Variants in APBB2 observed in about 807,000 individuals in gnomAD.
The protein encoded by APBB2 is Fe65-like 1.
APBB2 carries 38 observed loss-of-function variants against 82.5 expected under a neutral mutation model. That is an observed-to-expected ratio of 0.46 (90% confidence interval 0.36 to 0.60). The LOEUF is 0.60. APBB2 is among the 20% of genes least tolerant of loss of function. The pLI is 0.00. For synonymous variants in APBB2, 341 were observed against 368.2 expected, an observed-to-expected ratio of 0.93 and a Z score of 0.85; for missense variants, 772 against 972.3, an observed-to-expected ratio of 0.79 and a Z score of 2.74.
At chr4:41,068,833 G>T (rs1487784302) in intron 3 of APBB2, among the ~76,000 whole-genome samples, 5 of 118,192 alleles carry the variant, frequency 4.2e-5, no homozygotes, top group Non-Finnish European at 8.0e-5. Flanking sequence ...GTCTCGCTCT[G>T]TTGCCAGGCT....
chr4:41,165,780 C>G (rs1766370281), intron 1 of APBB2, among the ~76,000 whole-genome samples: 1 of 152,136 alleles, frequency 6.6e-6, no homozygotes, highest in Non-Finnish European at 1.5e-5. Context: ...AGCTTGATCG[C>G]CCAGTAGATA....
intron 12 of APBB2, among the ~76,000 whole-genome samples, chr4:40,887,113 A>T (rs1255413370): frequency 6.6e-6 from 1 of 152,206 alleles, no homozygotes; most frequent in Non-Finnish European, 1.5e-5. Flanking sequence ...TGCTGTTCAT[A>T]GTAAGAGGTC....
intron 2 of APBB2, among the ~76,000 whole-genome samples, chr4:41,114,862 A>G (rs1407980504): frequency 1.3e-5 from 2 of 152,242 alleles, no homozygotes; most frequent in African/African-American, 4.8e-5. Flanking sequence ...TCTCATGGAT[A>G]GGAAGAATCA....
chr4:40,991,306 C>T (rs1020726443), intron 6 of APBB2, among the ~76,000 whole-genome samples: 10 of 150,872 alleles, frequency 6.6e-5, no homozygotes, highest in Non-Finnish European at 1.2e-4. Flanking sequence ...TGTGAGCCAC[C>T]GTGCCTTGCT....
At chr4:41,117,383 C>G (rs1751376171) in intron 2 of APBB2, among the ~76,000 whole-genome samples, 1 of 151,408 alleles carries the variant, frequency 6.6e-6, no homozygotes, top group South Asian at 2.1e-4. Flanking sequence ...ACCTCCACCT[C>G]CCAGGTTCAA....
chr4:40,904,852 G>A (rs1776283172), intron 10 of APBB2, among the ~76,000 whole-genome samples: 1 of 152,054 alleles, frequency 6.6e-6, no homozygotes, highest in Non-Finnish European at 1.5e-5. Flanking sequence ...AGAGACCACG[G>A]TGGCCAGGGA....
intron 1 of APBB2, among the ~76,000 whole-genome samples, chr4:41,212,201 T>C (rs1779493819): frequency 6.6e-6 from 1 of 152,218 alleles, no homozygotes; most frequent in African/African-American, 2.4e-5. Flanking sequence ...TGACAAAAAG[T>C]ACCAGTTTAA....
chr4:40,887,057 C>G (rs1257657071), intron 12 of APBB2, among the ~76,000 whole-genome samples: 1 of 152,176 alleles, frequency 6.6e-6, no homozygotes, highest in African/African-American at 2.4e-5. Flanking sequence ...TGTGCGACAA[C>G]CAAAACCCCA....
intron 2 of APBB2, among the ~76,000 whole-genome samples, chr4:41,140,221 T>C (rs977310823): frequency 2.6e-5 from 4 of 152,216 alleles, no homozygotes; most frequent in African/African-American, 4.8e-5. Context: ...TAGCCTCTCA[T>C]TTGGCTAGGC....
At chr4:41,034,476 C>T (rs963331548) in intron 4 of APBB2, among the ~76,000 whole-genome samples, 26 of 152,170 alleles carry the variant, frequency 1.7e-4, no homozygotes, top group African/African-American at 5.8e-4. Flanking sequence ...AGGCGCGCAT[C>T]ACCACGCCCA....
chr4:40,852,250 C>G (rs112832199), intron 12 of APBB2, among the ~76,000 whole-genome samples: 3,092 of 150,276 alleles, frequency 0.021, 52 homozygotes, highest in Middle Eastern at 0.041. Flanking sequence ...ATTTGGGAGG[C>G]TGAGGCAGGA....
chr4:41,138,111 G>A (rs1184005995), intron 2 of APBB2: 1 of 152,142 alleles, frequency 6.6e-6, no homozygotes, highest in East Asian at 1.9e-4. Flanking sequence ...CGGTTGCTGT[G>A]AGCCGAGATC....
intron 6 of APBB2, among the ~76,000 whole-genome samples, chr4:40,967,106 G>A (rs542166740): frequency 1.7e-4 from 26 of 152,272 alleles, no homozygotes; most frequent in Admixed American, 5.2e-4. Flanking sequence ...GTGGAGAGGC[G>A]CTAACCCAGT....
intron 1 of APBB2, among the ~76,000 whole-genome samples, chr4:41,162,191 TCC>T (rs763498058): frequency 3.5e-4 from 52 of 146,704 alleles, no homozygotes; most frequent in Non-Finnish European, 5.5e-4. Flanking sequence ...TGTTCAAATT[TCC>T]CCGTCTTTTT....
intron 10 of APBB2, among the ~76,000 whole-genome samples, chr4:40,904,344 T>C (rs1430602575): frequency 2.0e-5 from 3 of 152,010 alleles, no homozygotes; most frequent in Non-Finnish European, 1.5e-5. Context: ...GGCAGGAGAA[T>C]TGCTTGAACC....
At chr4:41,019,341 A>C (rs1327655858) in intron 5 of APBB2, among the ~76,000 whole-genome samples, 1 of 152,188 alleles carries the variant, frequency 6.6e-6, no homozygotes, top group Non-Finnish European at 1.5e-5. Context: ...AAGGGACAAG[A>C]CCGGACTGGA....
intron 6 of APBB2, among the ~76,000 whole-genome samples, chr4:40,945,681 C>T (rs1372901996): frequency 2.0e-5 from 3 of 152,110 alleles, no homozygotes; most frequent in African/African-American, 7.2e-5. Context: ...GGTGCGATCC[C>T]GGCTCACTGC....
At chr4:40,926,403 T>A (rs1782615204) in intron 10 of APBB2, among the ~76,000 whole-genome samples, 1 of 152,022 alleles carries the variant, frequency 6.6e-6, no homozygotes, top group Non-Finnish European at 1.5e-5. Context: ...CTTCACCCAT[T>A]CCCACCTCCA....
intron 10 of APBB2, among the ~76,000 whole-genome samples, chr4:40,904,973 TG>T (rs1353587532): frequency 2.0e-5 from 3 of 152,170 alleles, no homozygotes; most frequent in Non-Finnish European, 4.4e-5. Context: ...ACACGATGCA[TG>T]GCCCTTTGAA....
Sources: allele counts gnomAD v4.1 joint callset (sites outside exome capture counted in the v4.1 genomes callset), GRCh38; gene constraint gnomAD v4.1.1; transcripts MANE v1.5; gene names NCBI Gene and HGNC (gene_info 2026-07-23, HGNC 2026-07-21).